RBMS3: variants seen among roughly 807,000 people sequenced by gnomAD.
RBMS3 encodes RNA-binding motif, single-stranded-interacting protein 3.
RBMS3 carries 27 observed loss-of-function variants against 66.8 expected under a neutral mutation model. That is an observed-to-expected ratio of 0.40 (90% CI 0.30 to 0.56). The LOEUF (loss-of-function observed/expected upper bound fraction) is 0.56, where lower values mean the gene tolerates loss of function less well. RBMS3 is among the 20% of genes least tolerant of loss of function. The pLI, the probability that RBMS3 is intolerant of heterozygous loss-of-function variation, is 0.40. For missense variants in RBMS3, 513 were observed against 549.5 expected (o/e 0.93, Z 0.66); for synonymous variants, 188 against 183.0 (o/e 1.03, Z -0.22).
intron 6 of RBMS3, among the ~76,000 whole-genome samples, chr3:29,819,518 T>C (rs1231154043): frequency 6.6e-6 from 1 of 152,348 alleles, no homozygotes; most frequent in East Asian, 1.9e-4. Flanking sequence ...TTTTAGCAAA[T>C]TTTTAATTGA....
At chr3:29,447,261 A>C (rs1368029279) in intron 2 of RBMS3, among the ~76,000 whole-genome samples, 1 of 152,192 alleles carries the variant, frequency 6.6e-6, no homozygotes, top group Non-Finnish European at 1.5e-5. Flanking sequence ...TCATTTAAGT[A>C]ATTACAGTAA....
intron 12 of RBMS3, among the ~76,000 whole-genome samples, chr3:29,952,945 A>T (rs1231610849): frequency 6.6e-6 from 1 of 151,900 alleles, no homozygotes; most frequent in East Asian, 1.9e-4. Flanking sequence ...AATTATTGAG[A>T]TTCTTGAGAT....
chr3:29,630,061 T>A (rs1217058495), intron 4 of RBMS3, among the ~76,000 whole-genome samples: 1 of 152,038 alleles, frequency 6.6e-6, no homozygotes, highest in African/African-American at 2.4e-5. Context: ...TGGCTGAAAC[T>A]TAGTAGCCAC....
chr3:29,321,188 C>G (rs1193499119), intron 1 of RBMS3, among the ~76,000 whole-genome samples: 2 of 152,004 alleles, frequency 1.3e-5, no homozygotes, highest in East Asian at 1.9e-4. Context: ...TTGTACTAGA[C>G]ATGGGTTTTC....
chr3:29,959,427 G>C (rs185156541), intron 12 of RBMS3, among the ~76,000 whole-genome samples: 1 of 152,248 alleles, frequency 6.6e-6, no homozygotes, highest in East Asian at 1.9e-4. Flanking sequence ...AAAGGGTTGG[G>C]CAGGGGGTGA....
At chr3:29,991,704 C>T (rs1174720908) in intron 14 of RBMS3, 1 of 146,434 alleles carries the variant, frequency 6.8e-6, no homozygotes, top group African/African-American at 2.5e-5. Flanking sequence ...GCACTGCAGC[C>T]ATTAAAAAAA....
At chr3:29,447,358 C>T (rs377038160) in intron 2 of RBMS3, among the ~76,000 whole-genome samples, 29 of 152,158 alleles carry the variant, frequency 1.9e-4, no homozygotes, top group African/African-American at 6.7e-4. Flanking sequence ...GCATGTTAAA[C>T]TTAGTTTAGG....
intron 1 of RBMS3, among the ~76,000 whole-genome samples, chr3:29,362,859 T>G (rs2037681885): frequency 6.6e-6 from 1 of 152,228 alleles, no homozygotes; most frequent in Admixed American, 6.5e-5. Context: ...TCCATTGTAT[T>G]CCTGTTCTTT....
chr3:29,990,460 C>CAAAAAA (rs10596526), intron 13 of RBMS3, among the ~76,000 whole-genome samples: 11 of 106,512 alleles, frequency 1.0e-4, no homozygotes, highest in African/African-American at 1.4e-4. Flanking sequence ...CTGTGAGAAA[C>CAAAAAA]AAAAAAAAAA....
chr3:29,627,385 C>G (rs1028055563), intron 4 of RBMS3, among the ~76,000 whole-genome samples: 2 of 151,930 alleles, frequency 1.3e-5, no homozygotes, highest in African/African-American at 4.8e-5. Flanking sequence ...TGGATAAAGC[C>G]TGGTTGTAGG....
At chr3:29,870,077 A>G (rs2059453103) in intron 7 of RBMS3, among the ~76,000 whole-genome samples, 1 of 152,214 alleles carries the variant, frequency 6.6e-6, no homozygotes, top group Non-Finnish European at 1.5e-5. Context: ...AACTCATTAC[A>G]TTAAGACATG....
At chr3:29,558,286 G>A (rs2046427396) in intron 3 of RBMS3, among the ~76,000 whole-genome samples, 1 of 151,842 alleles carries the variant, frequency 6.6e-6, no homozygotes, top group Non-Finnish European at 1.5e-5. Context: ...AACAGAAGTA[G>A]TAATTAAAGA....
intron 4 of RBMS3, among the ~76,000 whole-genome samples, chr3:29,590,366 ATGTT>A (rs2047685265): frequency 6.6e-6 from 1 of 152,124 alleles, no homozygotes; most frequent in South Asian, 2.1e-4. Flanking sequence ...AATTTAGTAA[ATGTT>A]AGTTATTCAA....
intron 12 of RBMS3, among the ~76,000 whole-genome samples, chr3:29,969,570 G>C (rs962492673): frequency 6.6e-6 from 1 of 152,140 alleles, no homozygotes; most frequent in African/African-American, 2.4e-5. Flanking sequence ...CCATGCTAGG[G>C]AAGAGAATAG....
intron 3 of RBMS3, among the ~76,000 whole-genome samples, chr3:29,554,755 T>C (rs1456685447): frequency 6.6e-6 from 1 of 152,104 alleles, no homozygotes. Context: ...TATAAGAAAC[T>C]ATGAGTCATC....
At chr3:29,918,010 A>G (rs1262037091) in intron 10 of RBMS3, among the ~76,000 whole-genome samples, 1 of 152,196 alleles carries the variant, frequency 6.6e-6, no homozygotes, top group Non-Finnish European at 1.5e-5. Context: ...TGAATATAAC[A>G]GGATAATGTA....
intron 1 of RBMS3, among the ~76,000 whole-genome samples, chr3:29,331,908 G>C (rs7373081): frequency 7.2e-6 from 1 of 139,270 alleles, no homozygotes; most frequent in African/African-American, 2.7e-5. Flanking sequence ...TCATCTATTA[G>C]AGCACAGGCC....
chr3:29,581,659 A>G (rs2047333107), intron 3 of RBMS3, among the ~76,000 whole-genome samples: 1 of 152,206 alleles, frequency 6.6e-6, no homozygotes, highest in Admixed American at 6.5e-5. Flanking sequence ...TAGAAATCAC[A>G]TTTGACTCAC....
intron 10 of RBMS3, 115 bp from the exon 11 acceptor site, chr3:29,935,971 A>G: frequency 1.2e-6 from 1 of 834,904 alleles, no homozygotes; most frequent in Non-Finnish European, 1.8e-6. Context: ...TAGCCTTTTT[A>G]GTAAAAAAGT....
Sources: allele counts gnomAD v4.1 joint callset (sites outside exome capture counted in the v4.1 genomes callset), GRCh38; gene constraint gnomAD v4.1.1; transcripts MANE v1.5; gene names NCBI Gene and HGNC (gene_info 2026-07-23, HGNC 2026-07-21).